GRPEL1: variants seen among roughly 807,000 people sequenced by gnomAD.
GRPEL1 encodes the protein GrpE like 1, mitochondrial.
GRPEL1 carries 13 observed loss-of-function variants against 22.1 expected under a neutral mutation model. That is an observed-to-expected ratio of 0.59 (90% CI 0.38 to 0.94). The LOEUF (loss-of-function observed/expected upper bound fraction) is 0.94. GRPEL1 is among the 40% of genes least tolerant of loss of function. The pLI is 0.00. For synonymous variants in GRPEL1, 109 were observed against 105.3 expected (o/e 1.03, Z -0.21); for missense variants, 289 against 264.6 (o/e 1.09, Z -0.64).
intron 3 of GRPEL1, 196 bp from the exon 4 acceptor site, chr4:7,061,404 T>TACTAAATTTAGAATTC (rs1724038156): frequency 3.6e-6 from 2 of 555,532 alleles, no homozygotes; most frequent in Admixed American, 7.0e-5. Context: ...ACCCAGAATT[T>TACTAAATTTAGAATTC]ACTAAATTTA....
At chr4:7,064,660 G>A (rs142485300) in intron 1 of GRPEL1, among the ~76,000 whole-genome samples, 8 of 151,978 alleles carry the variant, frequency 5.3e-5, no homozygotes, top group African/African-American at 1.7e-4. Context: ...CACCACACCC[G>A]GCTAATTTTT....
chr4:7,061,329 A>T (rs1260851179), intron 3 of GRPEL1, 121 bp from the exon 4 acceptor site: 2 of 724,520 alleles, frequency 2.8e-6, no homozygotes, highest in Non-Finnish European at 4.5e-6. Flanking sequence ...ATCGCCTCAG[A>T]ATTCCAATGG....
intron 1 of GRPEL1, 131 bp from the exon 2 acceptor site, chr4:7,064,354 G>A: frequency 1.1e-6 from 1 of 889,990 alleles, no homozygotes; most frequent in South Asian, 1.9e-5. Context: ...ATTTCTGTTA[G>A]ATCTAATAAA....
At chr4:7,065,979 G>A (rs986781778) in intron 1 of GRPEL1, among the ~76,000 whole-genome samples, 1 of 151,682 alleles carries the variant, frequency 6.6e-6, no homozygotes, top group African/African-American at 2.4e-5. Context: ...TCAGCCTGCC[G>A]AGTAGCTGGG....
At chr4:7,062,282 CA>C in intron 3 of GRPEL1, 102 bp downstream of exon 3, 1 of 461,256 alleles carries the variant, frequency 2.2e-6, no homozygotes, top group Non-Finnish European at 4.1e-6. Flanking sequence ...CTGGACCCCC[CA>C]CCCCACAGCC....
rs146608974 is a variant in GRPEL1 at position 7,061,167 on chromosome 4, C to T, written c.349G>A (p.Val117Ile). ...ACACACTGTGTTGCCTTCTCCAGAACGTCTGCCACCTCCAACAAGTCCTTG... is the reference window on the plus strand; with the variant it reads ...ACACACTGTGTTGCCTTCTCCAGAATGTCTGCCACCTCCAACAAGTCCTTG... ...FCKDLLEVADVLEKATQCVPK... is the reference protein window; with the variant it reads ...FCKDLLEVADILEKATQCVPK... The change falls in exon 4 of 4, where the codon GTT (valine) becomes ATT (isoleucine). Residue 117 changes from valine to isoleucine, a missense_variant. Physicochemically the swap from Val to Ile is conservative, Grantham distance 29. Coordinates refer to ENST00000264954, the MANE Select transcript of GRPEL1 (RefSeq NM_025196.4). The T allele has an allele frequency of 6.4e-4, 1,028 of 1,613,556 alleles. 4 individuals carry two copies. In the African/African-American group the frequency reaches 8.5e-3, roughly 13 times the overall value.
rs868245083 is a variant in GRPEL1 at position 7,060,230 on chromosome 4, T to A, written c.*632A>T. On this transcript the variant is annotated 3_prime_UTR_variant, in exon 4 of 4. Transcript: ENST00000264954. ...TGATTTAAATATGTCTGCATTTAGA[T>A]GAACAGAACAGGGTAAAAGGAACTT... The A allele has an allele frequency of 5.3e-5, 8 of 152,300 alleles. No individual in the cohort carries two copies. The highest frequency in any genetic ancestry group is 1.9e-4 in the African/African-American group (8 of 41,426). 9.4% of individuals were successfully genotyped at this position (152,300 alleles called of 1,614,324 possible). A position where few individuals can be genotyped will look rare whatever the true frequency, so the allele number is the denominator to read the frequency against.
Position 7,059,592 on chromosome 4 carries a change from T to C in GRPEL1, c.*1270A>G, listed in dbSNP as rs1366005982. 2.6e-5 allele frequency: 4 copies of C among 152,256 alleles called. No individual in the cohort carries two copies. The highest frequency in any genetic ancestry group is 6.5e-5 in the Admixed American group (1 of 15,282). 9.4% of individuals were successfully genotyped at this position (152,256 alleles called of 1,614,324 possible). On this transcript the variant is annotated 3_prime_UTR_variant, in exon 4 of 4. Transcript: ENST00000264954. Reference sequence around the variant, plus strand: ...AATGGTATCCCAAGATGAAGTATTATGGGACCATTACTTGCGTCTTTTAAA... The same window carrying C: ...AATGGTATCCCAAGATGAAGTATTACGGGACCATTACTTGCGTCTTTTAAA...
chr4:7,060,640 GTA>G lies in GRPEL1; in HGVS notation c.*220_*221del. 1.8e-6 allele frequency: 1 copy of G among 563,600 alleles called. No homozygotes were observed. Among genetic ancestry groups the G allele is most frequent in the Non-Finnish European group, 3.1e-6 (1 of 318,906 alleles). 34.9% of individuals were successfully genotyped at this position (563,600 alleles called of 1,614,324 possible). On this transcript the variant is annotated 3_prime_UTR_variant, in exon 4 of 4. Transcript: ENST00000264954. The stretch of plus-strand genomic sequence containing the variant: ...AGGGCCCTGCTGAGCTCTTCTGAAA[GTA>G]TGTGGAACTATTCAACGCGTGGCAC...
chr4:7,065,358 T>C (rs1724142754), intron 1 of GRPEL1, among the ~76,000 whole-genome samples: 1 of 151,850 alleles, frequency 6.6e-6, no homozygotes, highest in Non-Finnish European at 1.5e-5. Flanking sequence ...CTTCTAAAAA[T>C]ACAAAATTAG....
In GRPEL1 at chr4:7,059,480, G is replaced by A. The variant is rs1252717407; in HGVS notation, c.*1382C>T. 1 of 152,232 alleles carries A rather than the reference G, an allele frequency of 6.6e-6. No individual in the cohort carries two copies. The highest frequency in any genetic ancestry group is 1.5e-5 in the Non-Finnish European group (1 of 68,046). 9.4% of individuals were successfully genotyped at this position (152,232 alleles called of 1,614,324 possible). ...AAAACAGGCAGCGCTGGAGCTCCCAGTCATGTTTTCTTCAATACACGATGC... is the reference window on the plus strand; with the variant it reads ...AAAACAGGCAGCGCTGGAGCTCCCAATCATGTTTTCTTCAATACACGATGC... On this transcript the variant is annotated 3_prime_UTR_variant, in exon 4 of 4. Transcript: ENST00000264954.
chr4:7,062,107 T>G (rs536359165), intron 3 of GRPEL1: 1 of 235,264 alleles, frequency 4.3e-6, no homozygotes, highest in African/African-American at 2.3e-5. Context: ...GCTAAGGGGA[T>G]GGGCATCAGA....
Position 7,067,998 on chromosome 4 carries a change from C to T in GRPEL1, c.35G>A (p.Ser12Asn), listed in dbSNP as rs71601822. ...GAGAGACAACGCCAAAGCAGGAAGA[C>T]TGCGCCGCGCCAACCTCACGCACTG... ...AAQCVRLARR[S>N]LPALALSLRP... is the part of the protein sequence containing the mutation. Residue 12 changes from serine to asparagine, a missense_variant, in exon 1 of 4, where the codon AGT (serine) becomes AAT (asparagine). Ser to Asn is a conservative substitution (Grantham distance 46). Coordinates refer to ENST00000264954, the MANE Select transcript of GRPEL1 (RefSeq NM_025196.4). The T allele has an allele frequency of 1.9e-6, 3 of 1,613,364 alleles. No homozygotes were observed. Among genetic ancestry groups the T allele is most frequent in the South Asian group, 2.2e-5 (2 of 91,076 alleles).
rs1160015334 is a variant in GRPEL1, at chr4:7,059,901, T to C, written c.*961A>G. On this transcript the variant is annotated 3_prime_UTR_variant, in exon 4 of 4. Transcript: ENST00000264954. Reference sequence around the variant, plus strand: ...GGGGGAGTGTGGCTCTCCCTTTCTGTGTAGAAGCCTGTATATGTGTGTACG... The same window carrying C: ...GGGGGAGTGTGGCTCTCCCTTTCTGCGTAGAAGCCTGTATATGTGTGTACG... 1.3e-5 allele frequency: 2 copies of C among 152,192 alleles called. No individual in the cohort carries two copies. The highest frequency in any genetic ancestry group is 2.9e-5 in the Non-Finnish European group (2 of 68,024). 9.4% of individuals were successfully genotyped at this position (152,192 alleles called of 1,614,324 possible).
chr4:7,062,491 T>TATATAG, intron 2 of GRPEL1, 25 bp from the exon 3 acceptor site: 2 of 733,470 alleles, frequency 2.7e-6, no homozygotes, highest in Non-Finnish European at 3.8e-6. Context: ...AAGGGATATT[T>TATATAG]ATATATATAT....
rs1723987520 is a variant in GRPEL1, at chr4:7,059,589, T to C, written c.*1273A>G. On this transcript the variant is annotated 3_prime_UTR_variant, in exon 4 of 4. Coordinates refer to ENST00000264954, the MANE Select transcript of GRPEL1 (RefSeq NM_025196.4). ...GGGAATGGTATCCCAAGATGAAGTA[T>C]TATGGGACCATTACTTGCGTCTTTT... The C allele has an allele frequency of 6.6e-6, 1 of 152,232 alleles. No individual in the cohort carries two copies. The allele number at this position is 152,232 out of a possible 1,614,324, so 9.4% of individuals were successfully genotyped here. A position where few individuals can be genotyped will look rare whatever the true frequency, so the allele number is the denominator to read the frequency against.
chr4:7,061,344 A>G lies in GRPEL1; in HGVS notation c.308-136T>C, dbSNP rs193099051. ...ATCGCCTCAGAATTCCAATGGCTCAATAACTTTAAAAAACAACACAAAACT... is the reference window on the plus strand; with the variant it reads ...ATCGCCTCAGAATTCCAATGGCTCAGTAACTTTAAAAAACAACACAAAACT... On this transcript the variant is annotated intron_variant, in intron 3 of 3. Transcript: ENST00000264954. 1.1e-5 allele frequency: 7 copies of G among 663,486 alleles called. No homozygotes were observed. The Admixed American group carries it at 2.2e-4, about 21-fold the overall frequency. The allele number at this position is 663,486 out of a possible 1,614,324, so 41.1% of individuals were successfully genotyped here. A position where few individuals can be genotyped will look rare whatever the true frequency, so the allele number is the denominator to read the frequency against.
chr4:7,061,140 G>C lies in GRPEL1; in HGVS notation c.376C>G (p.Pro126Ala). ...DVLEKATQCV[P>A]KEEIKDDNPH... The stretch of plus-strand genomic sequence containing the variant: ...TTATCGTCTTTAATTTCTTCTTTTG[G>C]AACACACTGTGTTGCCTTCTCCAGA... Residue 126 changes from proline (P) to alanine (A), a missense_variant, in exon 4 of 4, where the codon CCA becomes GCA. Pro to Ala is a conservative substitution (Grantham distance 27). Transcript: ENST00000264954. The C allele has an allele frequency of 6.2e-7, 1 of 1,614,128 alleles. No individual in the cohort carries two copies. Among genetic ancestry groups the C allele is most frequent in the Non-Finnish European group, 8.5e-7 (1 of 1,180,042 alleles).
In GRPEL1 at chr4:7,068,039, C is replaced by T. The variant is rs764215236; in HGVS notation, c.-7G>A. The T allele has an allele frequency of 2.5e-6, 4 of 1,612,544 alleles. No individual in the cohort carries two copies. The highest frequency in any genetic ancestry group is 4.5e-5 in the East Asian group (2 of 44,862). ...TCACGCACTGAGCCGCCATGACTGC[C>T]ACTGCCCGTCGCAGTCGCCGCGCAC... On this transcript the variant is annotated 5_prime_UTR_variant, in exon 1 of 4. Transcript: ENST00000264954.
Sources: allele counts gnomAD v4.1 joint callset (sites outside exome capture counted in the v4.1 genomes callset), GRCh38; gene constraint gnomAD v4.1.1; transcripts MANE v1.5; gene names NCBI Gene and HGNC (gene_info 2026-07-23, HGNC 2026-07-21).